Variants in RFFL observed in about 807,000 individuals in gnomAD.
The protein encoded by RFFL is E3 ubiquitin-protein ligase rififylin.
A neutral mutation model predicts 40.4 loss-of-function variants in RFFL; 16 were observed. The ratio of observed to expected loss-of-function variants is 0.40; its 90% CI spans 0.27 to 0.60. The LOEUF (loss-of-function observed/expected upper bound fraction) is 0.60, where lower values mean the gene tolerates loss of function less well. RFFL is among the 20% of genes least tolerant of loss of function. The probability of loss-of-function intolerance (pLI) is 0.47; values close to 1 mark genes in which losing one functional copy is unlikely to be tolerated. For synonymous variants in RFFL, 154 were observed against 167.9 expected (o/e 0.92, Z 0.64); for missense variants, 367 against 451.7 (o/e 0.81, Z 1.70).
intron 1 of RFFL, among the ~76,000 whole-genome samples, chr17:35,035,940 T>A (rs1050202517): frequency 6.6e-6 from 1 of 151,944 alleles, no homozygotes; most frequent in Non-Finnish European, 1.5e-5. Context: ...TGACCTCAGG[T>A]GATACACCTG....
At chr17:35,079,367 GTC>G (rs2091393534) in intron 1 of RFFL, among the ~76,000 whole-genome samples, 1 of 152,146 alleles carries the variant, frequency 6.6e-6, no homozygotes, top group Non-Finnish European at 1.5e-5. Context: ...AAAGATTTCA[GTC>G]TGTTTTTTTG....
At chr17:35,034,232 G>A (rs2091105203) in intron 1 of RFFL, among the ~76,000 whole-genome samples, 1 of 151,966 alleles carries the variant, frequency 6.6e-6, no homozygotes, top group African/African-American at 2.4e-5. Flanking sequence ...CTATGTGAGA[G>A]GCTGAGGACA....
Position 35,046,950 on chromosome 17 carries a change from A to T in RFFL, c.-9+16626T>A, listed in dbSNP as rs373481716. Among the ~76,000 whole-genome samples the T allele has an allele frequency of 2.0e-5, 3 of 152,264 alleles. No individual in the cohort carries two copies. In the East Asian group the frequency reaches 5.8e-4, roughly 29 times the overall value. On this transcript the variant is annotated intron_variant, in intron 1 of 6. Coordinates refer to ENST00000394597, the MANE Select transcript of RFFL (RefSeq NM_001017368.2). ...AGTCAATCAGGAAACAAAGCAATTC[A>T]GAGTAAAGTCTTCTAACAACGCTGA...
intron 1 of RFFL, among the ~76,000 whole-genome samples, chr17:35,070,528 A>C (rs1021497631): frequency 2.6e-5 from 4 of 152,232 alleles, no homozygotes; most frequent in Admixed American, 2.0e-4. Flanking sequence ...AATTTGAAAA[A>C]GTTTTTAGGG....
chr17:35,069,391 A>C (rs1467809832), intron 1 of RFFL: 3 of 455,140 alleles, frequency 6.6e-6, no homozygotes, highest in Non-Finnish European at 1.3e-5. Flanking sequence ...CTGTTCACCT[A>C]CAGTTAATCT....
At position 35,038,016 on chromosome 17, in the gene RFFL, G is replaced by A. The variant is rs554281243; in HGVS notation, c.-8-11455C>T. Among the ~76,000 whole-genome samples the A allele has an allele frequency of 2.7e-4, 40 of 150,708 alleles. No individual in the cohort carries two copies. In the South Asian group the frequency reaches 5.6e-3, roughly 21 times the overall value. On this transcript the variant is annotated intron_variant, in intron 1 of 6. Coordinates refer to ENST00000394597, the MANE Select transcript of RFFL (RefSeq NM_001017368.2). ...AAGAGCAACTGGAGCAGACGGGCAT[G>A]GTGGCTCACACCTGTAATCCCAGCA... is the stretch of plus-strand genomic sequence containing the variant.
At chr17:35,087,801 A>T (rs980764087) in intron 1 of RFFL, among the ~76,000 whole-genome samples, 9 of 152,248 alleles carry the variant, frequency 5.9e-5, no homozygotes, top group Non-Finnish European at 1.2e-4. Flanking sequence ...AATATACAAT[A>T]AAAGTTCGGA....
At chr17:35,065,474 T>A (rs7221668), upstream of RFFL, among the ~76,000 whole-genome samples, 1,737 of 150,140 alleles carry the variant, frequency 0.012, 34 homozygotes, top group African/African-American at 0.039. Context: ...GAGAATCGCT[T>A]GAACCCGGGA....
intron 1 of RFFL, among the ~76,000 whole-genome samples, chr17:35,059,680 CTTCAA>C (rs1224893149): frequency 6.6e-6 from 1 of 152,166 alleles, no homozygotes; most frequent in Non-Finnish European, 1.5e-5. Flanking sequence ...ATTGCTCCTC[CTTCAA>C]TTTAAGACCA....
At position 35,052,718 on chromosome 17, in the gene RFFL, G is replaced by A. The variant is rs185773616; in HGVS notation, c.-9+10858C>T. ...GAATGCCCACTATGTGCAGGGAACT[G>A]AACTAGATACTAGGAGAAAGACAAA... is the stretch of plus-strand genomic sequence containing the variant. On this transcript the variant is annotated intron_variant, in intron 1 of 6. Transcript: ENST00000394597. Among the ~76,000 whole-genome samples the A allele has an allele frequency of 3.9e-5, 6 of 152,320 alleles. No individual in the cohort carries two copies. In the East Asian group the frequency reaches 1.2e-3, roughly 29 times the overall value.
At chr17:35,078,416 A>G (rs566070684) in intron 1 of RFFL, among the ~76,000 whole-genome samples, 1 of 152,046 alleles carries the variant, frequency 6.6e-6, no homozygotes, top group African/African-American at 2.4e-5. Flanking sequence ...AATCCTCCCA[A>G]CTCAGACTCC....
intron 1 of RFFL, among the ~76,000 whole-genome samples, chr17:35,073,043 C>CA (rs67047636): frequency 2.6e-4 from 37 of 143,314 alleles, no homozygotes; most frequent in South Asian, 6.6e-4. Flanking sequence ...AACTCCGTCT[C>CA]AAAAAAAAAA....
intron 1 of RFFL, among the ~76,000 whole-genome samples, chr17:35,085,562 T>C (rs1258626670): frequency 1.3e-5 from 2 of 152,162 alleles, no homozygotes; most frequent in African/African-American, 4.8e-5. Flanking sequence ...CTCAAGTAGC[T>C]GGAATTACAG....
intron 1 of RFFL, among the ~76,000 whole-genome samples, chr17:35,040,865 G>GGTGTGT (rs10578625): frequency 3.1e-5 from 2 of 63,858 alleles, no homozygotes; most frequent in East Asian, 5.2e-4. Context: ...TTTTTTTTTT[G>GGTGTGT]GTGTGTGTGT....
At chr17:35,080,037 C>G (rs968000814) in intron 1 of RFFL, among the ~76,000 whole-genome samples, 3 of 152,120 alleles carry the variant, frequency 2.0e-5, no homozygotes, top group Non-Finnish European at 2.9e-5. Context: ...TCCTTTCCAC[C>G]CCTTGACAAA....
rs1273781097 is a variant in RFFL, at chr17:35,006,003, T to C, written c.*5965A>G. The C allele has an allele frequency of 4.1e-6, 1 of 246,904 alleles. No individual in the cohort carries two copies. Among genetic ancestry groups the C allele is most frequent in the African/African-American group, 2.3e-5 (1 of 43,680 alleles). The allele number at this position is 246,904 out of a possible 1,614,324, so 15.3% of individuals were successfully genotyped here. On this transcript the variant is annotated 3_prime_UTR_variant, in exon 7 of 7. Coordinates refer to ENST00000394597, the MANE Select transcript of RFFL (RefSeq NM_001017368.2). ...AACAATGTTGAGTGGCATTTTCTTC[T>C]TAGTTTTTAATTTCTTAAAGAAAAT...
At chr17:35,071,535 T>C (rs1762014486) in intron 1 of RFFL, among the ~76,000 whole-genome samples, 1 of 151,994 alleles carries the variant, frequency 6.6e-6, no homozygotes, top group Non-Finnish European at 1.5e-5. Flanking sequence ...GGAGACTTGC[T>C]TGAACCCAGG....
upstream of RFFL, among the ~76,000 whole-genome samples, chr17:35,067,870 C>A (rs1429763364): frequency 1.3e-5 from 2 of 152,124 alleles, no homozygotes; most frequent in Non-Finnish European, 2.9e-5. Flanking sequence ...CAAAGACCTC[C>A]AAGCTGAACA....
upstream of RFFL, among the ~76,000 whole-genome samples, chr17:35,066,083 A>G (rs1299441930): frequency 6.6e-6 from 1 of 152,222 alleles, no homozygotes; most frequent in Non-Finnish European, 1.5e-5. Context: ...AGATTGCGCC[A>G]CTGCAATCCA....
Sources: gnomAD v4.1 joint callset for allele counts (sites outside exome capture counted in the v4.1 genomes callset) on GRCh38, gnomAD v4.1.1 for gene constraint, MANE v1.5 for transcripts, NCBI Gene and HGNC (gene_info 2026-07-23, HGNC 2026-07-21) for gene names.